ABCC9: variants seen among roughly 807,000 people sequenced by gnomAD.
ABCC9 encodes the protein ATP binding cassette subfamily C member 9, also known as ATP-binding cassette sub-family C member 9.
In ABCC9, 95 loss-of-function variants were observed where a neutral mutation model predicts 188.3. The ratio of observed to expected loss-of-function variants is 0.50; its 90% CI spans 0.43 to 0.60. The LOEUF is 0.60. Ranked by LOEUF, ABCC9 falls within the 20% of genes least tolerant of loss-of-function variation. The pLI is 0.00. For synonymous variants in ABCC9, 659 were observed against 652.7 expected (o/e 1.01, Z -0.15); for missense variants, 1,102 against 1,876.3 (o/e 0.59, Z 7.62).
chr12:21,893,965 T>TA (rs1947287864), intron 14 of ABCC9, 67 bp downstream of exon 14: 1 of 1,502,286 alleles, frequency 6.7e-7, no homozygotes, highest in African/African-American at 1.4e-5. Context: ...TTTTTTCAAA[T>TA]ACTCCTATTA....
chr12:21,842,141 A>G (rs1004479966), intron 29 of ABCC9, among the ~76,000 whole-genome samples, 173 bp downstream of exon 29: 8 of 152,196 alleles, frequency 5.3e-5, no homozygotes, highest in Non-Finnish European at 8.8e-5. Context: ...TCGCTTCATC[A>G]GTGTGTATTC....
intron 11 of ABCC9, among the ~76,000 whole-genome samples, chr12:21,907,157 T>C (rs1048592656): frequency 1.3e-5 from 2 of 152,102 alleles, no homozygotes; most frequent in African/African-American, 4.8e-5. Context: ...GAATATGGTA[T>C]GAATAGCTAA....
At chr12:21,817,431 G>A (rs1027060694) in intron 32 of ABCC9, 124 bp from the exon 33 acceptor site, 1 of 880,240 alleles carries the variant, frequency 1.1e-6, no homozygotes, top group African/African-American at 1.7e-5. Flanking sequence ...CAACTCATAA[G>A]TGCTACAGAA....
intron 16 of ABCC9, among the ~76,000 whole-genome samples, chr12:21,877,992 T>C (rs1173784535): frequency 3.7e-5 from 4 of 109,324 alleles, no homozygotes; most frequent in Admixed American, 1.1e-4. Context: ...GTTCAAGATA[T>C]TGAAGGTTTC....
chr12:21,834,910 G>T (rs901300643), intron 30 of ABCC9, among the ~76,000 whole-genome samples: 1 of 151,620 alleles, frequency 6.6e-6, no homozygotes, highest in African/African-American at 2.4e-5. Flanking sequence ...TCTTTACAGG[G>T]ACCAACTTGC....
At chr12:21,864,558 C>G (rs1945689667) in intron 18 of ABCC9, 81 bp from the exon 19 acceptor site, 2 of 955,726 alleles carry the variant, frequency 2.1e-6, no homozygotes, top group Admixed American at 3.5e-5. Context: ...GTAAGAGATA[C>G]AATAAACACT....
intron 26 of ABCC9, among the ~76,000 whole-genome samples, chr12:21,845,390 T>C (rs1031074100): frequency 2.0e-5 from 3 of 152,144 alleles, no homozygotes; most frequent in African/African-American, 7.2e-5. Context: ...TAAATATTTC[T>C]TATGATAAAC....
At chr12:21,825,655 C>CT (rs770461380) in intron 31 of ABCC9, among the ~76,000 whole-genome samples, 117 of 138,042 alleles carry the variant, frequency 8.5e-4, no homozygotes, top group South Asian at 1.1e-3. Flanking sequence ...GGGTGGGGGG[C>CT]TAGGGGAGGG....
chr12:21,917,687 C>T (rs1465084160), intron 5 of ABCC9, among the ~76,000 whole-genome samples: 2 of 152,170 alleles, frequency 1.3e-5, no homozygotes, highest in African/African-American at 4.8e-5. Flanking sequence ...TCTTATAGAG[C>T]GAACTGAAAC....
chr12:21,898,935 T>A (rs190928058), intron 12 of ABCC9, among the ~76,000 whole-genome samples: 129 of 152,300 alleles, frequency 8.5e-4, no homozygotes, highest in African/African-American at 3.0e-3. Context: ...AAAATGGTAT[T>A]TTTTTCTCCT....
At chr12:21,892,274 T>A (rs886191466) in intron 14 of ABCC9, among the ~76,000 whole-genome samples, 12 of 152,292 alleles carry the variant, frequency 7.9e-5, no homozygotes, top group Middle Eastern at 3.4e-3. Context: ...CATTTTTTTT[T>A]AATCAAGTCA....
chr12:21,812,522 G>A (rs867510937), intron 35 of ABCC9, among the ~76,000 whole-genome samples: 27 of 152,160 alleles, frequency 1.8e-4, no homozygotes, highest in Non-Finnish European at 2.8e-4. Context: ...TGCAGCCATC[G>A]AAAAGGATGA....
rs1945012823 is a variant in ABCC9 at position 21,852,365 on chromosome 12, T to C, written c.2643+3A>G. The C allele has an allele frequency of 6.2e-7, 1 of 1,613,826 alleles. No homozygotes were observed. Among genetic ancestry groups the C allele is most frequent in the Non-Finnish European group, 8.5e-7 (1 of 1,179,966 alleles). ...TGAGCAAAATTCTCTTCTAAACTCT[T>C]ACCCAGTCAGCATGCGTCAGATACT... On this transcript the variant is annotated splice_donor_region_variant and intron_variant, in intron 23 of 39. Transcript: ENST00000261200.
intron 31 of ABCC9, chr12:21,827,376 C>T: frequency 2.2e-6 from 2 of 904,724 alleles, no homozygotes; most frequent in Non-Finnish European, 2.6e-6. Context: ...ATATGCTTGC[C>T]CCTAAAAGAC....
At chr12:21,872,559 G>T in intron 18 of ABCC9, 66 bp downstream of exon 18, 1 of 1,273,640 alleles carries the variant, frequency 7.9e-7, no homozygotes, top group Non-Finnish European at 1.1e-6. Flanking sequence ...ATTTGTCTAA[G>T]TTCTTTCCTT....
intron 18 of ABCC9, among the ~76,000 whole-genome samples, chr12:21,869,169 G>T (rs1377225695): frequency 6.6e-6 from 1 of 152,140 alleles, no homozygotes; most frequent in Non-Finnish European, 1.5e-5. Context: ...TAGCATTGTT[G>T]TCTAGTAAGG....
At chr12:21,854,047 G>A (rs1945104377) in intron 22 of ABCC9, among the ~76,000 whole-genome samples, 1 of 152,198 alleles carries the variant, frequency 6.6e-6, no homozygotes, top group East Asian at 1.9e-4. Context: ...GGTTTCTCAT[G>A]CTACTACACA....
At chr12:21,827,108 G>C (rs556237673) in intron 31 of ABCC9, 1 of 985,172 alleles carries the variant, frequency 1.0e-6, no homozygotes, top group African/African-American at 1.7e-5. Context: ...GCTTTTTCAC[G>C]TGGGGGTTAA....
intron 6 of ABCC9, 100 bp from the exon 7 acceptor site, chr12:21,916,010 C>T (rs750079781): frequency 8.6e-5 from 103 of 1,194,302 alleles, no homozygotes; most frequent in Non-Finnish European, 1.2e-4. Context: ...TTTCAGGTGA[C>T]CAAAATTTAT....
Sources: gnomAD v4.1 joint callset for allele counts (sites outside exome capture counted in the v4.1 genomes callset) on GRCh38, gnomAD v4.1.1 for gene constraint, MANE v1.5 for transcripts, NCBI Gene and HGNC (gene_info 2026-07-23, HGNC 2026-07-21) for gene names.